The following TMEM132C variants were observed in gnomAD, a reference collection of about 807,000 sequenced individuals.
TMEM132C encodes the protein transmembrane protein 132C, also known as protein phosphatase 1, regulatory subunit 152.
A neutral mutation model predicts 61.4 loss-of-function variants in TMEM132C; 29 were observed. The ratio of observed to expected loss-of-function variants is 0.47; its 90% CI spans 0.35 to 0.64. The LOEUF (loss-of-function observed/expected upper bound fraction) is 0.64, where lower values mean the gene tolerates loss of function less well. Among genes scored for constraint, TMEM132C ranks in the 30% least tolerant of loss-of-function variants. The pLI, the probability that TMEM132C is intolerant of heterozygous loss-of-function variation, is 0.00. For missense variants in TMEM132C, 1,408 were observed against 1,476.9 expected (o/e 0.95, Z 0.76); for synonymous variants, 656 against 633.1 (o/e 1.04, Z -0.54).
At chr12:128,367,314 A>G (rs1349380509) in intron 1 of TMEM132C, among the ~76,000 whole-genome samples, 1 of 152,192 alleles carries the variant, frequency 6.6e-6, no homozygotes, top group Admixed American at 6.5e-5. Context: ...CTGAAGTCAC[A>G]TTTCTTCCAG....
At chr12:128,648,787 C>T (rs1232780573) in intron 4 of TMEM132C, among the ~76,000 whole-genome samples, 6 of 149,234 alleles carry the variant, frequency 4.0e-5, no homozygotes, top group Non-Finnish European at 7.4e-5. Context: ...AGTCCATCAG[C>T]GTTGGATGAG....
At chr12:128,506,445 G>A (rs1872364313) in intron 2 of TMEM132C, among the ~76,000 whole-genome samples, 1 of 152,182 alleles carries the variant, frequency 6.6e-6, no homozygotes. Context: ...TGCCATGACT[G>A]CACGGCTGCC....
intron 3 of TMEM132C, among the ~76,000 whole-genome samples, chr12:128,550,488 A>G (rs1391178240): frequency 6.6e-6 from 1 of 152,046 alleles, no homozygotes; most frequent in Non-Finnish European, 1.5e-5. Context: ...CATTTTTTGT[A>G]GAGATAGGGT....
At chr12:128,279,280 AT>A (rs1287157692) in intron 1 of TMEM132C, among the ~76,000 whole-genome samples, 3 of 151,994 alleles carry the variant, frequency 2.0e-5, no homozygotes, top group South Asian at 2.1e-4. Context: ...TGGTGCTGTC[AT>A]TTTTTTTATT....
At chr12:128,292,664 C>A (rs1359777092) in intron 1 of TMEM132C, among the ~76,000 whole-genome samples, 1 of 136,764 alleles carries the variant, frequency 7.3e-6, no homozygotes, top group Non-Finnish European at 1.6e-5. Context: ...ATGAGGTATT[C>A]ATAAGTGTCT....
intron 1 of TMEM132C, among the ~76,000 whole-genome samples, chr12:128,382,296 C>T (rs1412000891): frequency 6.6e-6 from 1 of 152,126 alleles, no homozygotes; most frequent in Non-Finnish European, 1.5e-5. Flanking sequence ...TGACGTACTG[C>T]ACAGACTGCC....
At chr12:128,512,534 T>C (rs762609523) in intron 2 of TMEM132C, among the ~76,000 whole-genome samples, 4 of 152,170 alleles carry the variant, frequency 2.6e-5, no homozygotes, top group Non-Finnish European at 4.4e-5. Flanking sequence ...TTCCCAAATG[T>C]CTGTTATTAA....
At chr12:128,516,059 A>G (rs1375604553) in intron 2 of TMEM132C, among the ~76,000 whole-genome samples, 2 of 152,104 alleles carry the variant, frequency 1.3e-5, no homozygotes, top group Non-Finnish European at 2.9e-5. Flanking sequence ...TTCCATTCAG[A>G]AGGAAGGAGG....
intron 1 of TMEM132C, among the ~76,000 whole-genome samples, chr12:128,316,686 C>A (rs1174337950): frequency 6.6e-6 from 1 of 152,112 alleles, no homozygotes; most frequent in South Asian, 2.1e-4. Flanking sequence ...CTGTCTCTGT[C>A]CCATTATTTT....
intron 2 of TMEM132C, among the ~76,000 whole-genome samples, chr12:128,541,217 TA>T (rs1408101322): frequency 6.6e-6 from 1 of 152,196 alleles, no homozygotes; most frequent in Non-Finnish European, 1.5e-5. Context: ...GGACAGGGTA[TA>T]GGGGAAGGAG....
intron 1 of TMEM132C, among the ~76,000 whole-genome samples, chr12:128,357,563 C>T (rs61938438): frequency 0.056 from 8,529 of 151,856 alleles, 310 homozygotes; most frequent in Non-Finnish European, 0.081. Flanking sequence ...GGTGTGGTGG[C>T]ATGTGCCTGT....
At chr12:128,409,641 G>T (rs1868462781) in intron 1 of TMEM132C, among the ~76,000 whole-genome samples, 1 of 152,138 alleles carries the variant, frequency 6.6e-6, no homozygotes, top group Admixed American at 6.5e-5. Context: ...CTACCTGCAG[G>T]CTGGGTGGAG....
At chr12:128,537,879 A>G (rs562031459) in intron 2 of TMEM132C, among the ~76,000 whole-genome samples, 9 of 152,342 alleles carry the variant, frequency 5.9e-5, no homozygotes, top group Admixed American at 2.6e-4. Context: ...ATTATGGTCA[A>G]TATTATCATT....
chr12:128,307,187 T>C (rs943864656), intron 1 of TMEM132C, among the ~76,000 whole-genome samples: 2 of 152,170 alleles, frequency 1.3e-5, no homozygotes, highest in Non-Finnish European at 1.5e-5. Context: ...AGAAACCTTA[T>C]CGCCTGGTTT....
chr12:128,644,140 C>T (rs1290950369), intron 4 of TMEM132C, among the ~76,000 whole-genome samples: 3 of 152,128 alleles, frequency 2.0e-5, no homozygotes, highest in Non-Finnish European at 2.9e-5. Context: ...AACCTGCATG[C>T]GCTGGTGGTG....
chr12:128,510,637 C>G (rs1593079852), intron 2 of TMEM132C, among the ~76,000 whole-genome samples: 1 of 152,196 alleles, frequency 6.6e-6, no homozygotes, highest in East Asian at 1.9e-4. Flanking sequence ...GGCTTCCGTC[C>G]CACTTCCATC....
At chr12:128,503,424 G>A (rs765165152) in intron 2 of TMEM132C, among the ~76,000 whole-genome samples, 10 of 152,208 alleles carry the variant, frequency 6.6e-5, no homozygotes, top group East Asian at 3.8e-4. Context: ...AGTCTGCAGC[G>A]CTGTTTTTCT....
At chr12:128,695,696 G>T (rs951710109) in intron 6 of TMEM132C, 134 bp from the exon 7 acceptor site, 2 of 888,110 alleles carry the variant, frequency 2.3e-6, no homozygotes, top group African/African-American at 1.7e-5. Flanking sequence ...AGATAGGCTT[G>T]GTGCCCCTTG....
At chr12:128,686,068 TGCGTGTGTGC>T (rs1304346595) in intron 5 of TMEM132C, among the ~76,000 whole-genome samples, 28 of 69,218 alleles carry the variant, frequency 4.0e-4, no homozygotes, top group African/African-American at 9.7e-4. Context: ...TGTGTGTGCA[TGCGTGTGTGC>T]GCATGTGTGT....
Sources: allele counts gnomAD v4.1 joint callset (sites outside exome capture counted in the v4.1 genomes callset), GRCh38; gene constraint gnomAD v4.1.1; transcripts MANE v1.5; gene names NCBI Gene and HGNC (gene_info 2026-07-23, HGNC 2026-07-21).